MTRF1: variants seen among roughly 807,000 people sequenced by gnomAD.
The protein encoded by MTRF1 is peptide chain release factor 1, mitochondrial.
A neutral mutation model predicts 62.9 loss-of-function variants in MTRF1; 51 were observed. The observed-to-expected ratio is 0.81, with a 90% CI of 0.65 to 1.02. The LOEUF (loss-of-function observed/expected upper bound fraction) is 1.02, where lower values mean the gene tolerates loss of function less well. Among genes scored for constraint, MTRF1 ranks in the 50% least tolerant of loss-of-function variants. The pLI, the probability that MTRF1 is intolerant of heterozygous loss-of-function variation, is 0.00. For missense variants in MTRF1, 446 were observed against 530.0 expected, an observed-to-expected ratio of 0.84 and a Z score of 1.56; for synonymous variants, 158 against 181.9, an observed-to-expected ratio of 0.87 and a Z score of 1.06.
intron 2 of MTRF1, among the ~76,000 whole-genome samples, chr13:41,258,045 A>G (rs1159367353): frequency 6.6e-6 from 1 of 152,242 alleles, no homozygotes; most frequent in Non-Finnish European, 1.5e-5. Context: ...AGTTATGCCA[A>G]TTTAATTAGA....
At chr13:41,295,250 T>A in the MTRF1 span, among the ~76,000 whole-genome samples, 3 of 152,216 alleles carry the variant, frequency 2.0e-5, no homozygotes, top group Admixed American at 6.5e-5. Flanking sequence ...AGCAATGTTT[T>A]CCTTCAGTAT....
chr13:41,281,484 G>A, the MTRF1 span, among the ~76,000 whole-genome samples: 132 of 152,060 alleles, frequency 8.7e-4, no homozygotes, highest in South Asian at 5.2e-3. Context: ...TTGTAGTCCC[G>A]AGTGCTACCA....
chr13:41,255,507 AGTG>A (rs1437828757), intron 2 of MTRF1, among the ~76,000 whole-genome samples: 1 of 152,092 alleles, frequency 6.6e-6, no homozygotes, highest in Admixed American at 6.6e-5. Context: ...GCCTGGCCAA[AGTG>A]GTGAAATCCC....
chr13:41,311,255 G>T, the MTRF1 span: 3 of 529,256 alleles, frequency 5.7e-6, no homozygotes, highest in Non-Finnish European at 9.9e-6. Flanking sequence ...GGCGGACCCT[G>T]GCTGCCATCT....
the MTRF1 span, among the ~76,000 whole-genome samples, chr13:41,301,029 G>C: frequency 6.6e-6 from 1 of 152,126 alleles, no homozygotes; most frequent in Non-Finnish European, 1.5e-5. Context: ...TTTTCTCATA[G>C]GGTTTTCATA....
chr13:41,310,042 G>T, the MTRF1 span, among the ~76,000 whole-genome samples: 1 of 152,112 alleles, frequency 6.6e-6, no homozygotes. Flanking sequence ...GATTACAGCC[G>T]ACTAAATGCA....
chr13:41,285,312 G>A, the MTRF1 span, among the ~76,000 whole-genome samples: 1 of 152,142 alleles, frequency 6.6e-6, no homozygotes, highest in South Asian at 2.1e-4. Flanking sequence ...TGGTTGGCGT[G>A]TCTTCCTGGG....
intron 2 of MTRF1, among the ~76,000 whole-genome samples, chr13:41,256,622 C>G (rs190637266): frequency 1.2e-3 from 178 of 152,228 alleles, no homozygotes; most frequent in African/African-American, 4.1e-3. Flanking sequence ...CCGCACCCGG[C>G]CTGTTGTAGA....
At chr13:41,283,583 A>ATATTTTTT in the MTRF1 span, among the ~76,000 whole-genome samples, 1 of 35,054 alleles carries the variant, frequency 2.9e-5, no homozygotes, top group Admixed American at 3.5e-4. Context: ...AGCTCTGACA[A>ATATTTTTT]TCTTTTTTTT....
intron 1 of MTRF1, chr13:41,261,980 G>T: frequency 8.9e-6 from 1 of 112,730 alleles, no homozygotes; most frequent in Non-Finnish European, 1.8e-5. Context: ...TACAATATAA[G>T]GTATACATGT....
At chr13:41,265,417 G>A (rs59737301), upstream of MTRF1, among the ~76,000 whole-genome samples, 4,725 of 147,736 alleles carry the variant, frequency 0.032, 242 homozygotes, top group African/African-American at 0.11. Context: ...GTGAAACTCC[G>A]TCTCAAAAAA....
the MTRF1 span, among the ~76,000 whole-genome samples, chr13:41,306,206 C>T: frequency 6.6e-6 from 1 of 151,976 alleles, no homozygotes; most frequent in Non-Finnish European, 1.5e-5. Context: ...CACGGTGAAA[C>T]CCCGTCTCTA....
At chr13:41,246,207 G>GA (rs1268397239) in intron 5 of MTRF1, among the ~76,000 whole-genome samples, 5 of 152,152 alleles carry the variant, frequency 3.3e-5, no homozygotes, top group African/African-American at 1.2e-4. Flanking sequence ...CTCCTGCACA[G>GA]ATGCTTAGAC....
Position 41,252,697 on chromosome 13 carries a change from C to T in MTRF1, c.645G>A (p.Ser215=), listed in dbSNP as rs774864798. 1.7e-5 allele frequency: 28 copies of T among 1,613,462 alleles called. No individual in the cohort carries two copies. The highest frequency in any genetic ancestry group is 9.4e-5 in the African/African-American group (7 of 74,866). ...REIFDMYQNY[S]CYKHWQFELL... ...GTTCAAATTGCCAGTGTTTATAGCA[C>T]GAATAATTCTGGTACATGTCAAATA... is the stretch of plus-strand genomic sequence containing the variant. Residue 215 remains serine, a synonymous_variant, in exon 5 of 10, where the codon TCG becomes TCA. Transcript: ENST00000379480.
chr13:41,270,157 T>G, the MTRF1 span, among the ~76,000 whole-genome samples: 1 of 152,222 alleles, frequency 6.6e-6, no homozygotes, highest in East Asian at 1.9e-4. Context: ...TTTTGAAACT[T>G]TATAGTATTT....
chr13:41,262,924 G>A (rs2040629074), intron 1 of MTRF1, among the ~76,000 whole-genome samples: 2 of 152,166 alleles, frequency 1.3e-5, no homozygotes, highest in Admixed American at 1.3e-4. Flanking sequence ...TTATCACCTA[G>A]GAAATAAAAT....
At position 41,260,795 on chromosome 13, in the gene MTRF1, C is replaced by G. The variant is rs532290689; in HGVS notation, c.113G>C (p.Arg38Thr). ...HQFRQIHLDT[R>T]LQVFRQNRNC... is the part of the protein sequence containing the mutation. ...CCTGTTTTGTCTAAAAACTTGCAGCCTTGTATCAAGATGTATCTGTCTAAA... is the reference window on the plus strand; with the variant it reads ...CCTGTTTTGTCTAAAAACTTGCAGCGTTGTATCAAGATGTATCTGTCTAAA... The change falls in exon 2 of 10, where the codon AGG (arginine) becomes ACG (threonine). Residue 38 changes from arginine to threonine, a missense_variant. Coordinates refer to ENST00000379480, the MANE Select transcript of MTRF1 (RefSeq NM_004294.4). 37 of 1,614,082 alleles carry G rather than the reference C, an allele frequency of 2.3e-5. No individual in the cohort carries two copies. The East Asian group carries it at 5.8e-4, about 25-fold the overall frequency.
chr13:41,265,997 A>G (rs1406288401), upstream of MTRF1, among the ~76,000 whole-genome samples: 1 of 151,952 alleles, frequency 6.6e-6, no homozygotes. Flanking sequence ...CTACAGGTGC[A>G]CACCACCACG....
chr13:41,278,184 C>T, the MTRF1 span, among the ~76,000 whole-genome samples: 2 of 152,230 alleles, frequency 1.3e-5, no homozygotes, highest in Non-Finnish European at 2.9e-5. Context: ...TTTTAGATTT[C>T]CCTCAAGGTA....
Sources: gnomAD v4.1 joint callset for allele counts (sites outside exome capture counted in the v4.1 genomes callset) on GRCh38, gnomAD v4.1.1 for gene constraint, MANE v1.5 for transcripts, NCBI Gene and HGNC (gene_info 2026-07-23, HGNC 2026-07-21) for gene names.